Variants in SCML4 observed in about 807,000 individuals in gnomAD.
SCML4 encodes sex comb on midleg-like protein 4.
In SCML4, 34 loss-of-function variants were observed where a neutral mutation model predicts 41.1. The observed-to-expected ratio is 0.83, with a 90% CI of 0.63 to 1.10. The LOEUF is 1.10. Ranked by LOEUF, SCML4 falls within the 50% of genes least tolerant of loss-of-function variation. The probability of loss-of-function intolerance (pLI) is 0.00; values close to 1 mark genes in which losing one functional copy is unlikely to be tolerated. For missense variants in SCML4, 522 were observed against 534.1 expected (o/e 0.98, Z 0.22); for synonymous variants, 214 against 220.9 (o/e 0.97, Z 0.28).
intron 1 of SCML4, among the ~76,000 whole-genome samples, chr6:107,790,255 A>C (rs1782218914): frequency 6.6e-6 from 1 of 152,196 alleles, no homozygotes; most frequent in African/African-American, 2.4e-5. Context: ...TACCATGGAC[A>C]ATATCTTGCC....
intron 6 of SCML4, among the ~76,000 whole-genome samples, chr6:107,717,817 G>A (rs1774986915): frequency 6.6e-6 from 1 of 152,172 alleles, no homozygotes; most frequent in South Asian, 2.1e-4. Flanking sequence ...CAAAGTGGTG[G>A]GATTGCAGGC....
chr6:107,772,478 A>T, intron 1 of SCML4, 92 bp from the exon 2 acceptor site: 1 of 675,404 alleles, frequency 1.5e-6, no homozygotes, highest in Non-Finnish European at 2.4e-6. Flanking sequence ...GATTTTGGCG[A>T]TACCTACCAC....
At chr6:107,838,867 T>C in the SCML4 span, among the ~76,000 whole-genome samples, 4 of 152,114 alleles carry the variant, frequency 2.6e-5, no homozygotes, top group African/African-American at 7.2e-5. Context: ...TGTAACTTTA[T>C]TGGGAGGATG....
At chr6:107,802,756 C>T (rs1583625977) in intron 1 of SCML4, among the ~76,000 whole-genome samples, 1 of 149,028 alleles carries the variant, frequency 6.7e-6, no homozygotes, top group African/African-American at 2.5e-5. Flanking sequence ...CCACGGTCTC[C>T]CTCTCCCTCT....
At chr6:107,749,237 A>G (rs1428894462) in intron 3 of SCML4, among the ~76,000 whole-genome samples, 3 of 152,128 alleles carry the variant, frequency 2.0e-5, no homozygotes, top group African/African-American at 4.8e-5. Flanking sequence ...AGATTGGGAT[A>G]CCTGCTACCC....
intron 1 of SCML4, among the ~76,000 whole-genome samples, chr6:107,816,464 T>C (rs938263256): frequency 2.0e-5 from 3 of 152,040 alleles, no homozygotes; most frequent in African/African-American, 4.8e-5. Context: ...GCCATGAAAA[T>C]GGCTTTTCTG....
At position 107,772,218 on chromosome 6, in the gene SCML4, G is replaced by A; in HGVS notation, c.110C>T (p.Pro37Leu). The A allele has an allele frequency of 6.4e-7, 1 of 1,551,524 alleles. No individual in the cohort carries two copies. Among genetic ancestry groups the A allele is most frequent in the South Asian group, 1.2e-5 (1 of 84,040 alleles). Residue 37 changes from proline to leucine, a missense_variant, in exon 2 of 8, where the codon CCA (proline) becomes CTA (leucine). Coordinates refer to ENST00000369020, the MANE Select transcript of SCML4 (RefSeq NM_198081.5). ...TCTTTTCTTTGGGATCTTCACTGCT[G>A]GTAAAGAGCCAGCTGAAGCAGAATA... ...NLYSASAGSL[P>L]AVKIPKKRGR...
chr6:107,795,010 TA>T (rs1782605787), intron 1 of SCML4, among the ~76,000 whole-genome samples: 1 of 152,206 alleles, frequency 6.6e-6, no homozygotes, highest in Non-Finnish European at 1.5e-5. Context: ...CAGCCCACCT[TA>T]ATTTATGACC....
At chr6:107,740,169 G>A (rs1169219684) in intron 5 of SCML4, 1 of 470,826 alleles carries the variant, frequency 2.1e-6, no homozygotes, top group South Asian at 1.5e-5. Flanking sequence ...GGAATAAGAT[G>A]TTAAAAGGAA....
chr6:107,826,200 C>T (rs543968835), upstream of SCML4, among the ~76,000 whole-genome samples: 6 of 147,822 alleles, frequency 4.1e-5, no homozygotes, highest in South Asian at 2.1e-4. Context: ...GCTGAGATCA[C>T]GCCATTGCAC....
chr6:107,834,510 C>CA, the SCML4 span, among the ~76,000 whole-genome samples: 1 of 152,210 alleles, frequency 6.6e-6, no homozygotes, highest in Non-Finnish European at 1.5e-5. Flanking sequence ...GACTTACACA[C>CA]ACTGAAGTGG....
chr6:107,714,977 A>C (rs2493447), intron 6 of SCML4, among the ~76,000 whole-genome samples: 4 of 54,474 alleles, frequency 7.3e-5, no homozygotes, highest in Admixed American at 1.8e-4. Flanking sequence ...CAAACCCTTT[A>C]TTTTTTTTTT....
chr6:107,805,386 A>ACATCAGATAT (rs1229880122), intron 1 of SCML4, among the ~76,000 whole-genome samples: 1 of 152,256 alleles, frequency 6.6e-6, no homozygotes, highest in Non-Finnish European at 1.5e-5. Context: ...AAATGAGAAA[A>ACATCAGATAT]CATCAGATAT....
chr6:107,714,187 C>A (rs1299841181), intron 6 of SCML4, among the ~76,000 whole-genome samples: 3 of 152,162 alleles, frequency 2.0e-5, no homozygotes, highest in African/African-American at 7.2e-5. Flanking sequence ...AGCTGGCCTG[C>A]CTGTGTGAGG....
intron 2 of SCML4, among the ~76,000 whole-genome samples, chr6:107,753,633 G>GT (rs1415327730): frequency 1.3e-5 from 2 of 152,118 alleles, no homozygotes; most frequent in African/African-American, 2.4e-5. Flanking sequence ...AATTTTGTGT[G>GT]TTTTTTAGCA....
At chr6:107,752,362 G>A (rs2114516042) in intron 2 of SCML4, among the ~76,000 whole-genome samples, 1 of 152,076 alleles carries the variant, frequency 6.6e-6, no homozygotes, top group East Asian at 1.9e-4. Context: ...TGGTTCTGGG[G>A]GAGAGCCTAT....
intron 2 of SCML4, among the ~76,000 whole-genome samples, chr6:107,751,624 T>G (rs1173325609): frequency 6.7e-6 from 1 of 148,584 alleles, no homozygotes; most frequent in African/African-American, 2.5e-5. Flanking sequence ...CTTTCTTTCT[T>G]TCTTTCTTTC....
At chr6:107,751,647 T>TTTCTTTCTTTCTTTA (rs1226281445) in intron 2 of SCML4, among the ~76,000 whole-genome samples, 1 of 145,556 alleles carries the variant, frequency 6.9e-6, no homozygotes, top group East Asian at 2.0e-4. Context: ...TCTTTCTTTC[T>TTTCTTTCTTTCTTTA]TTTTTGAGAG....
At chr6:107,790,435 C>T (rs761581636) in intron 1 of SCML4, among the ~76,000 whole-genome samples, 1 of 152,118 alleles carries the variant, frequency 6.6e-6, no homozygotes, top group Non-Finnish European at 1.5e-5. Context: ...AAAATAACAA[C>T]ACTTTTTTCC....
Sources: allele counts gnomAD v4.1 joint callset (sites outside exome capture counted in the v4.1 genomes callset), GRCh38; gene constraint gnomAD v4.1.1; transcripts MANE v1.5; gene names NCBI Gene and HGNC (gene_info 2026-07-23, HGNC 2026-07-21).